RASGRF2: variants seen among roughly 807,000 people sequenced by gnomAD.
RASGRF2 encodes the protein ras-specific guanine nucleotide-releasing factor 2.
In RASGRF2, 76 loss-of-function variants were observed where a neutral mutation model predicts 151.0. That is an observed-to-expected ratio of 0.50 (90% CI 0.42 to 0.61). RASGRF2 has a LOEUF of 0.61. RASGRF2 is among the 20% of genes least tolerant of loss of function. RASGRF2 has a pLI of 0.00. For missense variants in RASGRF2, 1,148 were observed against 1,564.6 expected (o/e 0.73, Z 4.49); for synonymous variants, 504 against 566.5 (o/e 0.89, Z 1.57).
chr5:81,138,271 C>G (rs1753802958), intron 17 of RASGRF2, among the ~76,000 whole-genome samples: 1 of 152,152 alleles, frequency 6.6e-6, no homozygotes, highest in African/African-American at 2.4e-5. Context: ...AGTGATATAG[C>G]TTCTTTTCCC....
chr5:80,970,391 G>A (rs577012313), intron 1 of RASGRF2, among the ~76,000 whole-genome samples: 28 of 152,292 alleles, frequency 1.8e-4, no homozygotes, highest in African/African-American at 5.1e-4. Flanking sequence ...GATCACCTCT[G>A]AGTGTTGAGG....
At chr5:81,017,928 T>A (rs1332543347) in intron 1 of RASGRF2, among the ~76,000 whole-genome samples, 1 of 151,794 alleles carries the variant, frequency 6.6e-6, no homozygotes, top group East Asian at 1.9e-4. Flanking sequence ...CAAAACCCCA[T>A]CTCTAATAAA....
intron 12 of RASGRF2, among the ~76,000 whole-genome samples, chr5:81,099,653 A>G (rs1752641618): frequency 6.6e-6 from 1 of 152,130 alleles, no homozygotes; most frequent in Admixed American, 6.5e-5. Flanking sequence ...GCCAATGTTA[A>G]ATTTGTCACA....
At chr5:80,961,126 G>C in intron 1 of RASGRF2, 100 bp downstream of exon 1, 1 of 1,297,534 alleles carries the variant, frequency 7.7e-7, no homozygotes, top group Non-Finnish European at 1.0e-6. Flanking sequence ...GAAAGAGTGC[G>C]GGGACTATGC....
intron 17 of RASGRF2, among the ~76,000 whole-genome samples, chr5:81,174,239 A>G (rs927257044): frequency 7.2e-5 from 11 of 152,240 alleles, no homozygotes; most frequent in Non-Finnish European, 1.6e-4. Flanking sequence ...AGCAGTTGGA[A>G]GAAAAGACAC....
chr5:81,221,888 A>C (rs1755863811), intron 26 of RASGRF2, among the ~76,000 whole-genome samples: 1 of 152,094 alleles, frequency 6.6e-6, no homozygotes, highest in African/African-American at 2.4e-5. Flanking sequence ...GAGGCAGGAG[A>C]ATCTCTTGAA....
intron 2 of RASGRF2, among the ~76,000 whole-genome samples, chr5:81,059,684 A>C (rs538135244): frequency 2.0e-4 from 30 of 152,062 alleles, no homozygotes; most frequent in African/African-American, 6.3e-4. Context: ...GTCTCTACTA[A>C]AAATATAAAA....
intron 11 of RASGRF2, 43 bp downstream of exon 11, chr5:81,094,405 G>A (rs1406117246): frequency 2.6e-6 from 4 of 1,561,266 alleles, no homozygotes; most frequent in African/African-American, 1.4e-5. Context: ...AGAATTAGAG[G>A]CGGGAGAGAG....
intron 1 of RASGRF2, among the ~76,000 whole-genome samples, chr5:81,021,822 C>T (rs574923103): frequency 6.6e-6 from 1 of 152,162 alleles, no homozygotes; most frequent in South Asian, 2.1e-4. Flanking sequence ...TGGGAAGAAA[C>T]CCCAAATTCA....
chr5:81,152,482 A>G (rs903014002), intron 17 of RASGRF2, among the ~76,000 whole-genome samples: 1 of 152,238 alleles, frequency 6.6e-6, no homozygotes, highest in African/African-American at 2.4e-5. Context: ...TCTTCCTTCA[A>G]TATCTGTAGG....
At chr5:81,180,967 C>A (rs933762203) in intron 18 of RASGRF2, among the ~76,000 whole-genome samples, 2 of 152,090 alleles carry the variant, frequency 1.3e-5, no homozygotes, top group African/African-American at 4.8e-5. Context: ...CTTTTCTTAC[C>A]CACTGCCACA....
chr5:81,151,997 A>AT lies in RASGRF2; in HGVS notation c.2686+24840dup, dbSNP rs1403531179. On this transcript the variant is annotated intron_variant, in intron 17 of 26. Transcript: ENST00000265080. ...CTAATGTTAAATCTATGGAAGAGAG[A>AT]TTTTTTGTTTGTTTGTTTGTTTGAG... Among the ~76,000 whole-genome samples the AT allele has an allele frequency of 2.6e-4, 40 of 151,348 alleles. 1 individual carries two copies. Among genetic ancestry groups the AT allele is most frequent in the African/African-American group, 4.9e-4 (20 of 41,212 alleles).
At chr5:80,964,546 T>G (rs1561528786) in intron 1 of RASGRF2, among the ~76,000 whole-genome samples, 1 of 152,142 alleles carries the variant, frequency 6.6e-6, no homozygotes, top group Non-Finnish European at 1.5e-5. Flanking sequence ...TCTGGGGAGA[T>G]GATCAAAGTC....
intron 2 of RASGRF2, among the ~76,000 whole-genome samples, chr5:81,044,068 C>T (rs1300857993): frequency 2.0e-5 from 3 of 152,138 alleles, no homozygotes; most frequent in Admixed American, 6.5e-5. Context: ...CTGAGTGAAG[C>T]GCATTGCTAA....
chr5:81,091,023 T>G (rs1561604157), intron 9 of RASGRF2, among the ~76,000 whole-genome samples: 2 of 152,258 alleles, frequency 1.3e-5, no homozygotes, highest in South Asian at 2.1e-4. Flanking sequence ...TAGAACTTAC[T>G]CTCTTCCCAT....
chr5:81,044,792 T>C lies in RASGRF2; in HGVS notation c.395+1809T>C, dbSNP rs192810062. The stretch of plus-strand genomic sequence containing the variant: ...CAGAACCTTTAGCTAATGTTCAATA[T>C]TGTACTTATCTTCGTTATCCTCTTT... On this transcript the variant is annotated intron_variant, in intron 2 of 26. Coordinates refer to ENST00000265080, the MANE Select transcript of RASGRF2 (RefSeq NM_006909.3). Among the ~76,000 whole-genome samples the C allele has an allele frequency of 2.0e-5, 3 of 152,276 alleles. No homozygotes were observed. The East Asian group carries it at 5.8e-4, about 29-fold the overall frequency.
chr5:81,217,425 A>G lies in RASGRF2; in HGVS notation c.3504A>G (p.Thr1168=). 1 of 1,613,626 alleles carries G rather than the reference A, an allele frequency of 6.2e-7. No homozygotes were observed. The change falls in exon 25 of 27, where the codon ACA becomes ACG. Residue 1168 remains threonine, a synonymous_variant. Transcript: ENST00000265080. ...LTDLAFIEEG[T]PNFTEEGLVN... is the part of the protein sequence containing the mutation. ...ACCTGGCATTTATTGAAGAAGGAACACCAAACTTTACTGAGGAAGGCCTTG... is the reference window on the plus strand; with the variant it reads ...ACCTGGCATTTATTGAAGAAGGAACGCCAAACTTTACTGAGGAAGGCCTTG...
chr5:81,081,423 A>G (rs1173428584), intron 7 of RASGRF2, among the ~76,000 whole-genome samples: 1 of 152,216 alleles, frequency 6.6e-6, no homozygotes. Flanking sequence ...CAAGGGGTCA[A>G]GAACACTTGC....
chr5:81,036,159 G>A (rs536345976), intron 1 of RASGRF2, among the ~76,000 whole-genome samples: 38 of 144,708 alleles, frequency 2.6e-4, no homozygotes, highest in Non-Finnish European at 5.5e-4. Context: ...TTTCATTTTG[G>A]TCTTTTTTCT....
Sources: allele counts gnomAD v4.1 joint callset (sites outside exome capture counted in the v4.1 genomes callset), GRCh38; gene constraint gnomAD v4.1.1; transcripts MANE v1.5; gene names NCBI Gene and HGNC (gene_info 2026-07-23, HGNC 2026-07-21).